The following HIF3A variants were observed in gnomAD, a reference collection of about 807,000 sequenced individuals.
HIF3A encodes hypoxia inducible factor 3 subunit alpha.
A neutral mutation model predicts 67.2 loss-of-function variants in HIF3A; 41 were observed. The observed-to-expected ratio is 0.61, with a 90% confidence interval of 0.48 to 0.79. The LOEUF is 0.79. HIF3A is among the 30% of genes least tolerant of loss of function. HIF3A has a pLI of 0.00. For synonymous variants in HIF3A, 356 were observed against 374.8 expected, an observed-to-expected ratio of 0.95 and a Z score of 0.58; for missense variants, 855 against 898.0, an observed-to-expected ratio of 0.95 and a Z score of 0.61.
chr19:46,318,286 T>A (rs1327728490), intron 8 of HIF3A, among the ~76,000 whole-genome samples: 1 of 151,734 alleles, frequency 6.6e-6, no homozygotes, highest in Non-Finnish European at 1.5e-5. Context: ...GTAAACGGAA[T>A]GCTGGGCATG....
At chr19:46,307,686 T>C (rs1968981241) in intron 3 of HIF3A, among the ~76,000 whole-genome samples, 1 of 147,974 alleles carries the variant, frequency 6.8e-6, no homozygotes. Context: ...AGGTGGAGGT[T>C]GCAGTGAGCT....
chr19:46,329,106 T>C, intron 11 of HIF3A, 101 bp from the exon 12 acceptor site: 2 of 1,154,372 alleles, frequency 1.7e-6, no homozygotes, highest in Non-Finnish European at 2.4e-6. Context: ...CTCAGACTGT[T>C]GACCACAGGC....
intron 3 of HIF3A, among the ~76,000 whole-genome samples, chr19:46,306,279 T>A (rs975197697): frequency 2.6e-5 from 4 of 151,984 alleles, no homozygotes; most frequent in African/African-American, 9.7e-5. Context: ...AAAGGTAGAA[T>A]CAGATTTACA....
At position 46,339,707 on chromosome 19, in the gene HIF3A, G is replaced by A; in HGVS notation, c.*85G>A. On this transcript the variant is annotated 3_prime_UTR_variant, in exon 15 of 15. Coordinates refer to ENST00000377670, the MANE Select transcript of HIF3A (RefSeq NM_152795.4). ...CGCCGGCAGCCAACGCACAGGATGG[G>A]GGCGCCAGGAGAGGGGCCCCTCTCT... is the stretch of plus-strand genomic sequence containing the variant. 4 of 998,736 alleles carry A rather than the reference G, an allele frequency of 4.0e-6. No homozygotes were observed. The highest frequency in any genetic ancestry group is 5.8e-6 in the Non-Finnish European group (4 of 691,794). 61.9% of individuals were successfully genotyped at this position (998,736 alleles called of 1,614,324 possible).
At position 46,312,691 on chromosome 19, in the gene HIF3A, C is replaced by G. The variant is rs750143808; in HGVS notation, c.1025+38C>G. ...AGGGGCTGGGGTGGCTGTGTGTGGG[C>G]CTGATCTGCATGTGTGGACAGGTGT... On this transcript the variant is annotated intron_variant, in intron 8 of 14. Coordinates refer to ENST00000377670, the MANE Select transcript of HIF3A (RefSeq NM_152795.4). 8 of 1,524,546 alleles carry G rather than the reference C, an allele frequency of 5.2e-6. No homozygotes were observed. The South Asian group carries it at 1.0e-4, about 20-fold the overall frequency. The allele number at this position is 1,524,546 out of a possible 1,614,324, so 94.4% of individuals were successfully genotyped here.
chr19:46,307,765 G>A (rs1381049122), intron 3 of HIF3A, among the ~76,000 whole-genome samples: 1 of 149,668 alleles, frequency 6.7e-6, no homozygotes, highest in Non-Finnish European at 1.5e-5. Flanking sequence ...AAAAAGAAAA[G>A]AAAAAAATAG....
chr19:46,339,544 C>G lies in HIF3A; in HGVS notation c.1932C>G (p.Leu644=). The part of the protein sequence containing the change: ...NEPLGLGPSL[L]SPYSDEDTTQ... ...TTGCAGGCCTGGGCCCCTCACTGCTCTCTCCGTACTCAGACGAGGACACTA... is the reference window on the plus strand; with the variant it reads ...TTGCAGGCCTGGGCCCCTCACTGCTGTCTCCGTACTCAGACGAGGACACTA... Residue 644 remains leucine (L), a synonymous_variant, in exon 15 of 15, where the codon CTC becomes CTG. Transcript: ENST00000377670. 1 of 1,603,204 alleles carries G rather than the reference C, an allele frequency of 6.2e-7. No individual in the cohort carries two copies. The highest frequency in any genetic ancestry group is 1.1e-5 in the South Asian group (1 of 89,366).
In HIF3A at chr19:46,327,154, C is replaced by CA. The variant is rs531482343; in HGVS notation, c.1440+1523dup. Among the ~76,000 whole-genome samples the CA allele has an allele frequency of 2.0e-3, 293 of 148,934 alleles. 1 individual carries two copies. The highest frequency in any genetic ancestry group is 6.7e-3 in the African/African-American group (270 of 40,192). ...TGATGACAGAGCTAGACTTTTGTCC[C>CA]AAAAAAAATATATATATATATAAAA... is the stretch of plus-strand genomic sequence containing the variant. On this transcript the variant is annotated intron_variant, in intron 11 of 14. Transcript: ENST00000377670.
At chr19:46,311,937 C>G (rs1969462516) in intron 6 of HIF3A, 2 of 739,644 alleles carry the variant, frequency 2.7e-6, no homozygotes. Flanking sequence ...ACGTAAGAGA[C>G]CATATCTACA....
rs182231126 is a variant in HIF3A, at chr19:46,343,308, A to G, written c.*3686A>G. ...CCCCTCCCTCCTCCCTCTGGAGGTG[A>G]TGTGGGCCCTCAATGGAGGGAATTG... On this transcript the variant is annotated 3_prime_UTR_variant, in exon 15 of 15. Transcript: ENST00000377670. 3 of 152,764 alleles carry G rather than the reference A, an allele frequency of 2.0e-5. No homozygotes were observed. Among genetic ancestry groups the G allele is most frequent in the Admixed American group, 2.0e-4 (3 of 15,280 alleles). 9.5% of individuals were successfully genotyped at this position (152,764 alleles called of 1,614,324 possible). A position where few individuals can be genotyped will look rare whatever the true frequency, so the allele number is the denominator to read the frequency against.
At chr19:46,338,327 C>A in intron 14 of HIF3A, 1 of 443,474 alleles carries the variant, frequency 2.3e-6, no homozygotes, top group South Asian at 1.6e-5. Context: ...TCAGCTCCCA[C>A]AAGTAGCTGG....
At chr19:46,300,489 T>C (rs1252845677) in intron 1 of HIF3A, among the ~76,000 whole-genome samples, 1 of 152,072 alleles carries the variant, frequency 6.6e-6, no homozygotes, top group Non-Finnish European at 1.5e-5. Context: ...AGTGAAACCC[T>C]GTCTCTACTA....
chr19:46,322,118 T>C (rs949665712), intron 10 of HIF3A, 152 bp downstream of exon 10: 1 of 724,714 alleles, frequency 1.4e-6, no homozygotes, highest in African/African-American at 1.8e-5. Flanking sequence ...GAGGTTCCTT[T>C]AAGACGCAGA....
chr19:46,305,677 G>A (rs968861598), intron 3 of HIF3A, among the ~76,000 whole-genome samples: 2 of 152,146 alleles, frequency 1.3e-5, no homozygotes, highest in Non-Finnish European at 2.9e-5. Flanking sequence ...GCCGGTCAAA[G>A]GGTATGGAGA....
intron 8 of HIF3A, 79 bp from the exon 9 acceptor site, chr19:46,320,364 A>T: frequency 9.2e-7 from 1 of 1,085,544 alleles, no homozygotes. Context: ...CTGTAATAGG[A>T]CATCACCTGA....
At chr19:46,321,257 C>A (rs758552903) in intron 9 of HIF3A, among the ~76,000 whole-genome samples, 4 of 152,146 alleles carry the variant, frequency 2.6e-5, no homozygotes, top group Admixed American at 6.6e-5. Flanking sequence ...TCCCCTCGGA[C>A]CTTTCAGAGC....
In HIF3A at chr19:46,339,684, C is replaced by T; in HGVS notation, c.*62C>T. The T allele has an allele frequency of 7.9e-7, 1 of 1,265,040 alleles. No individual in the cohort carries two copies. The highest frequency in any genetic ancestry group is 1.1e-6 in the Non-Finnish European group (1 of 905,312). The allele number at this position is 1,265,040 out of a possible 1,614,324, so 78.4% of individuals were successfully genotyped here. On this transcript the variant is annotated 3_prime_UTR_variant, in exon 15 of 15. Transcript: ENST00000377670. ...GAAAGGACCTCAACCACACTCCACG[C>T]CGGCAGCCAACGCACAGGATGGGGG...
intron 6 of HIF3A, among the ~76,000 whole-genome samples, chr19:46,311,775 T>G (rs1056096171): frequency 6.6e-6 from 1 of 152,024 alleles, no homozygotes; most frequent in African/African-American, 2.4e-5. Context: ...TCAGGAGGAT[T>G]GCTTGAGCCT....
intron 2 of HIF3A, 31 bp from the exon 3 acceptor site, chr19:46,305,214 G>A (rs1968730111): frequency 1.2e-6 from 2 of 1,613,434 alleles, no homozygotes; most frequent in East Asian, 4.5e-5. Flanking sequence ...ACTGACTAGA[G>A]ATGCCCCCAT....
Sources: allele counts gnomAD v4.1 joint callset (sites outside exome capture counted in the v4.1 genomes callset), GRCh38; gene constraint gnomAD v4.1.1; transcripts MANE v1.5; gene names NCBI Gene and HGNC (gene_info 2026-07-23, HGNC 2026-07-21).